The following GPR55 variants were observed in gnomAD, a reference collection of about 807,000 sequenced individuals.
GPR55 encodes G protein-coupled receptor 55.
A neutral mutation model predicts 7.9 loss-of-function variants in GPR55; 6 were observed. The ratio of observed to expected loss-of-function variants is 0.76; its 90% CI spans 0.41 to 1.49. The LOEUF is 1.49. GPR55 is among the 40% of genes most tolerant of loss of function. The pLI is 0.01. For missense variants in GPR55, 376 were observed against 406.0 expected (o/e 0.93, Z 0.63); for synonymous variants, 183 against 166.8 (o/e 1.10, Z -0.75).
chr2:230,951,925 ATTT>A (rs56203003), intron 1 of GPR55, among the ~76,000 whole-genome samples: 9,787 of 148,338 alleles, frequency 0.066, 940 homozygotes, highest in African/African-American at 0.22. Flanking sequence ...GGCCCGGCTA[ATTT>A]TTTTTTTTTT....
At chr2:230,915,274 C>T (rs2125050304) in intron 1 of GPR55, among the ~76,000 whole-genome samples, 1 of 152,320 alleles carries the variant, frequency 6.6e-6, no homozygotes, top group African/African-American at 2.4e-5. Flanking sequence ...GCCAAGGAGC[C>T]ATCCCAGTGC....
rs1205941978 is a variant in GPR55 at position 230,916,066 on chromosome 2, G to GA, written c.-134-4971dup. The stretch of plus-strand genomic sequence containing the variant: ...TATAGTTACACATTTAAAATCAAAA[G>GA]AAAAAAAAAAACAGAAGAGATTATC... On this transcript the variant is annotated intron_variant, in intron 1 of 1. Coordinates refer to ENST00000650999, the MANE Select transcript of GPR55 (RefSeq NM_005683.4). Among the ~76,000 whole-genome samples the GA allele has an allele frequency of 4.6e-3, 656 of 142,458 alleles. 6 individuals carry two copies. Among genetic ancestry groups the GA allele is most frequent in the African/African-American group, 0.012 (463 of 39,228 alleles). 93.5% of individuals were successfully genotyped at this position (142,458 alleles called of 152,430 possible).
intron 1 of GPR55, among the ~76,000 whole-genome samples, chr2:230,935,294 G>C (rs889637711): frequency 6.6e-6 from 1 of 152,128 alleles, no homozygotes; most frequent in Non-Finnish European, 1.5e-5. Context: ...GTCCCAGCCC[G>C]GCAGCCACTC....
At chr2:230,952,582 C>G (rs1691420207) in intron 1 of GPR55, among the ~76,000 whole-genome samples, 1 of 152,264 alleles carries the variant, frequency 6.6e-6, no homozygotes, top group South Asian at 2.1e-4. Context: ...TACTTGTCTA[C>G]TCTTCCAGGA....
intron 1 of GPR55, among the ~76,000 whole-genome samples, chr2:230,919,612 A>C (rs1407096886): frequency 6.6e-6 from 1 of 152,200 alleles, no homozygotes; most frequent in Admixed American, 6.5e-5. Flanking sequence ...GGGATTTGAT[A>C]ATTTCTATTA....
upstream of GPR55, among the ~76,000 whole-genome samples, chr2:230,930,207 G>A (rs1410843190): frequency 6.6e-6 from 1 of 152,220 alleles, no homozygotes; most frequent in African/African-American, 2.4e-5. Flanking sequence ...CAGGGACACG[G>A]GGATAGGAGT....
chr2:230,957,586 C>G (rs1574638836), intron 1 of GPR55: 1 of 423,018 alleles, frequency 2.4e-6, no homozygotes, highest in African/African-American at 2.1e-5. Context: ...GGCGGGGAGT[C>G]GTCCCCGTGG....
intron 1 of GPR55, among the ~76,000 whole-genome samples, chr2:230,946,698 A>G (rs1691323893): frequency 6.6e-6 from 1 of 152,216 alleles, no homozygotes; most frequent in African/African-American, 2.4e-5. Context: ...TCCCAGTAGC[A>G]TGGGACAAGT....
At chr2:230,958,250 A>T (rs1026298102) in intron 1 of GPR55, among the ~76,000 whole-genome samples, 5 of 152,216 alleles carry the variant, frequency 3.3e-5, no homozygotes, top group African/African-American at 1.2e-4. Context: ...AACTTTAAAA[A>T]ATTTTTTTAA....
chr2:230,911,593 T>G (rs1027093042), intron 1 of GPR55, among the ~76,000 whole-genome samples: 4 of 152,308 alleles, frequency 2.6e-5, no homozygotes, highest in African/African-American at 9.6e-5. Context: ...GCCATGATAA[T>G]CAACACAACT....
chr2:230,921,381 A>G (rs1257064536), intron 1 of GPR55, among the ~76,000 whole-genome samples: 2 of 152,194 alleles, frequency 1.3e-5, no homozygotes, highest in African/African-American at 4.8e-5. Flanking sequence ...AGAAGAATAG[A>G]AGTGTCTTTC....
intron 1 of GPR55, among the ~76,000 whole-genome samples, chr2:230,941,119 G>GAA (rs147860493): frequency 2.0e-5 from 3 of 147,746 alleles, no homozygotes; most frequent in African/African-American, 5.0e-5. Flanking sequence ...TCCATCTCCA[G>GAA]AAAAAAAAAA....
chr2:230,929,118 G>T (rs1235365474), upstream of GPR55, among the ~76,000 whole-genome samples: 1 of 152,144 alleles, frequency 6.6e-6, no homozygotes, highest in Admixed American at 6.5e-5. Flanking sequence ...CTCCCAAAGT[G>T]CTGGGATTAC....
chr2:230,951,968 A>C (rs866399788), intron 1 of GPR55, among the ~76,000 whole-genome samples: 2 of 151,106 alleles, frequency 1.3e-5, no homozygotes. Context: ...GGGTCTTGCT[A>C]TGTTGCCCAG....
At chr2:230,928,834 C>T (rs1225992845), upstream of GPR55, among the ~76,000 whole-genome samples, 2 of 152,146 alleles carry the variant, frequency 1.3e-5, no homozygotes, top group Non-Finnish European at 2.9e-5. Flanking sequence ...ATGAGCAGCA[C>T]CTGCCCCCAC....
At chr2:230,916,327 G>A (rs1439427189) in intron 1 of GPR55, among the ~76,000 whole-genome samples, 7 of 150,448 alleles carry the variant, frequency 4.7e-5, no homozygotes, top group African/African-American at 7.4e-5. Context: ...TTTGAGACCC[G>A]CCTAGGCAAC....
At chr2:230,946,722 C>G (rs754648226) in intron 1 of GPR55, among the ~76,000 whole-genome samples, 3 of 152,214 alleles carry the variant, frequency 2.0e-5, no homozygotes, top group Admixed American at 1.3e-4. Context: ...CACTGCAGCC[C>G]ACACCTGGAC....
chr2:230,913,288 C>T (rs528763493), intron 1 of GPR55, among the ~76,000 whole-genome samples: 5 of 152,264 alleles, frequency 3.3e-5, no homozygotes, highest in East Asian at 3.9e-4. Context: ...TTTCTCATCA[C>T]TATTGGGCGC....
At chr2:230,936,455 G>A (rs567528001) in intron 1 of GPR55, among the ~76,000 whole-genome samples, 5 of 152,090 alleles carry the variant, frequency 3.3e-5, no homozygotes, top group Non-Finnish European at 5.9e-5. Context: ...CTCTTATGAC[G>A]CCATGTGAAG....
Sources: gnomAD v4.1 joint callset for allele counts (sites outside exome capture counted in the v4.1 genomes callset) on GRCh38, gnomAD v4.1.1 for gene constraint, MANE v1.5 for transcripts, NCBI Gene and HGNC (gene_info 2026-07-23, HGNC 2026-07-21) for gene names.